Variants in RGS6 observed in about 807,000 individuals in gnomAD.
RGS6 encodes regulator of G protein signaling 6.
RGS6 carries 30 observed loss-of-function variants against 78.5 expected under a neutral mutation model. That is an observed-to-expected ratio of 0.38 (90% CI 0.29 to 0.52). The LOEUF is 0.52. Ranked by LOEUF, RGS6 falls within the 20% of genes least tolerant of loss-of-function variation. The pLI, the probability that RGS6 is intolerant of heterozygous loss-of-function variation, is 0.85. For missense variants in RGS6, 495 were observed against 609.7 expected, an observed-to-expected ratio of 0.81 and a Z score of 1.98; for synonymous variants, 206 against 206.0, an observed-to-expected ratio of 1.00 and a Z score of 0.00.
intron 1 of RGS6, among the ~76,000 whole-genome samples, chr14:71,933,722 T>G (rs2088353359): frequency 6.6e-6 from 1 of 152,180 alleles, no homozygotes; most frequent in Non-Finnish European, 1.5e-5. Context: ...CTGAAGATAT[T>G]TGGGGTCTCG....
chr14:72,354,589 C>A (rs2079860803), intron 3 of RGS6, among the ~76,000 whole-genome samples: 1 of 151,818 alleles, frequency 6.6e-6, no homozygotes. Flanking sequence ...GAGGTCACGC[C>A]ACTGCACTCC....
chr14:72,545,291 G>A lies in RGS6; in HGVS notation c.1422+5197G>A, dbSNP rs181713126. Among the ~76,000 whole-genome samples, 3 of 152,324 alleles carry A rather than the reference G, an allele frequency of 2.0e-5. No homozygotes were observed. In the East Asian group the frequency reaches 5.8e-4, roughly 29 times the overall value. The stretch of plus-strand genomic sequence containing the variant: ...CCCTGGCCCTGGCTGGAGCTGGAGG[G>A]AGACTTCCATCGAAGTGTTTGGGAA... On this transcript the variant is annotated intron_variant, in intron 17 of 17. Transcript: ENST00000553525.
upstream of RGS6, among the ~76,000 whole-genome samples, chr14:71,928,115 C>T (rs954073028): frequency 1.3e-5 from 2 of 152,174 alleles, no homozygotes; most frequent in Non-Finnish European, 2.9e-5. Flanking sequence ...CCTCAGCTTT[C>T]TGAGTTAGCT....
intron 2 of RGS6, among the ~76,000 whole-genome samples, chr14:72,149,664 TAAAG>T (rs1181486547): frequency 6.6e-6 from 1 of 152,090 alleles, no homozygotes; most frequent in Non-Finnish European, 1.5e-5. Flanking sequence ...ATTTATTAAA[TAAAG>T]ATAAAAAGTA....
At chr14:72,218,791 T>C (rs1192970938) in intron 2 of RGS6, among the ~76,000 whole-genome samples, 1 of 152,054 alleles carries the variant, frequency 6.6e-6, no homozygotes, top group East Asian at 2.0e-4. Context: ...TTTGTATTTT[T>C]AGTAGAGATG....
chr14:71,984,478 C>CCAAAAGAAAA (rs1555416314), intron 2 of RGS6, among the ~76,000 whole-genome samples: 1 of 10,836 alleles, frequency 9.2e-5, no homozygotes, highest in Non-Finnish European at 1.9e-4. Context: ...GACCCTGTCT[C>CCAAAAGAAAA]AAAAAGAAAA....
chr14:72,092,579 A>G (rs2095302522), intron 2 of RGS6, among the ~76,000 whole-genome samples: 1 of 152,006 alleles, frequency 6.6e-6, no homozygotes, highest in Admixed American at 6.6e-5. Flanking sequence ...ATGGGGTTTC[A>G]CCAGGTTGGC....
intron 11 of RGS6, chr14:72,477,290 T>G (rs2096263184): frequency 6.4e-6 from 1 of 156,410 alleles, no homozygotes; most frequent in Admixed American, 6.4e-5. Flanking sequence ...AATGTTATTT[T>G]CTTTCATGAT....
chr14:72,080,115 A>G lies in RGS6; in HGVS notation c.84+115240A>G, dbSNP rs376201265. 1.2e-4 allele frequency among the ~76,000 whole-genome samples: 18 copies of G among 152,226 alleles called. No homozygotes were observed. The South Asian group carries it at 3.5e-3, about 30-fold the overall frequency. ...TCATTTTTTGAAGGACCTTCAGACC[A>G]TTTCCATAATAGCTGTACTAATGTG... On this transcript the variant is annotated intron_variant, in intron 2 of 17. Transcript: ENST00000553525.
At chr14:71,991,612 A>T (rs528153261) in intron 2 of RGS6, among the ~76,000 whole-genome samples, 121 of 152,354 alleles carry the variant, frequency 7.9e-4, no homozygotes, top group African/African-American at 2.5e-3. Context: ...TAAATAAAAC[A>T]TGTAACAACC....
chr14:72,387,795 C>T (rs1199481962), intron 3 of RGS6, among the ~76,000 whole-genome samples: 1 of 152,134 alleles, frequency 6.6e-6, no homozygotes, highest in East Asian at 1.9e-4. Context: ...GTTTAAACAA[C>T]AGGAATTTAT....
intron 1 of RGS6, among the ~76,000 whole-genome samples, chr14:71,963,011 T>C (rs751435442): frequency 5.3e-5 from 8 of 152,220 alleles, no homozygotes; most frequent in Non-Finnish European, 1.0e-4. Flanking sequence ...AGGGATAACA[T>C]TTGTATAGGA....
intron 12 of RGS6, among the ~76,000 whole-genome samples, chr14:72,492,552 G>A (rs1377146743): frequency 6.6e-6 from 1 of 152,174 alleles, no homozygotes; most frequent in Non-Finnish European, 1.5e-5. Context: ...TATGACTTAC[G>A]TCGGGGGAGA....
At chr14:72,275,823 G>A (rs1354950398) in intron 2 of RGS6, among the ~76,000 whole-genome samples, 1 of 152,198 alleles carries the variant, frequency 6.6e-6, no homozygotes, top group African/African-American at 2.4e-5. Context: ...TAACCAAAGT[G>A]TAGTATATAT....
At chr14:72,568,758 T>C (rs565263218), downstream of RGS6, among the ~76,000 whole-genome samples, 20 of 152,360 alleles carry the variant, frequency 1.3e-4, 1 homozygote, top group South Asian at 4.1e-3. Context: ...CTCTGAGCTC[T>C]TGTTCCAAAA....
At chr14:72,048,761 A>G (rs1319175576) in intron 2 of RGS6, among the ~76,000 whole-genome samples, 3 of 152,108 alleles carry the variant, frequency 2.0e-5, no homozygotes, top group African/African-American at 7.2e-5. Context: ...TCAAATCATA[A>G]TTATTTCTAT....
intron 2 of RGS6, among the ~76,000 whole-genome samples, chr14:72,167,582 G>A (rs1334227422): frequency 6.6e-6 from 1 of 152,128 alleles, no homozygotes; most frequent in Admixed American, 6.5e-5. Flanking sequence ...TTCTCTGAAA[G>A]GAAACTTTGC....
At chr14:72,387,349 A>C (rs1402464307) in intron 3 of RGS6, among the ~76,000 whole-genome samples, 1 of 152,094 alleles carries the variant, frequency 6.6e-6, no homozygotes, top group African/African-American at 2.4e-5. Flanking sequence ...GGAGATGGAG[A>C]CCATCCTGGC....
chr14:72,579,634 A>T, the RGS6 span, among the ~76,000 whole-genome samples: 1 of 152,046 alleles, frequency 6.6e-6, no homozygotes, highest in African/African-American at 2.4e-5. Flanking sequence ...CATCCTGGGG[A>T]CTCATCCCTT....
Sources: gnomAD v4.1 joint callset for allele counts (sites outside exome capture counted in the v4.1 genomes callset) on GRCh38, gnomAD v4.1.1 for gene constraint, MANE v1.5 for transcripts, NCBI Gene and HGNC (gene_info 2026-07-23, HGNC 2026-07-21) for gene names.